HOXD3: variants seen among roughly 807,000 people sequenced by gnomAD.
HOXD3 encodes homeobox protein Hox-D3.
In HOXD3, 13 loss-of-function variants were observed where a neutral mutation model predicts 32.8. That is an observed-to-expected ratio of 0.40 (90% CI 0.26 to 0.63). HOXD3 has a LOEUF of 0.63. Among genes scored for constraint, HOXD3 ranks in the 20% least tolerant of loss-of-function variants. HOXD3 has a pLI of 0.44. For synonymous variants in HOXD3, 241 were observed against 246.8 expected (o/e 0.98, Z 0.22); for missense variants, 504 against 577.1 (o/e 0.87, Z 1.30).
chr2:176,158,902 T>C (rs923483280), intron 1 of HOXD3, among the ~76,000 whole-genome samples: 7 of 127,972 alleles, frequency 5.5e-5, no homozygotes, highest in African/African-American at 2.1e-4. Flanking sequence ...TCCCCAGCCC[T>C]GCTGGCAGCC....
chr2:176,171,909 C>A lies in HOXD3; in HGVS notation c.934C>A (p.Leu312Met). ...CAAATCACAGCCCAATATGTACGGC[C>A]TGGCCGCCTACACGGCGCCACTCAG... ...FAKSQPNMYG[L>M]AAYTAPLSSC... is the part of the protein sequence containing the mutation. The change falls in exon 4 of 4, where the codon CTG (leucine) becomes ATG (methionine). Residue 312 changes from leucine (L) to methionine (M), a missense_variant. By Grantham distance (15) the Leu-to-Met change is conservative (BLOSUM62 2). Around this residue, in one of 3 missense-constraint regions of HOXD3, gnomAD observed 226 missense variants for 246.9 expected, o/e 0.92. Transcript: ENST00000683222. 6.2e-7 allele frequency: 1 copy of A among 1,609,568 alleles called. No homozygotes were observed. The highest frequency in any genetic ancestry group is 8.5e-7 in the Non-Finnish European group (1 of 1,178,504).
At chr2:176,156,647 T>C (rs975993215), upstream of HOXD3, among the ~76,000 whole-genome samples, 1 of 152,110 alleles carries the variant, frequency 6.6e-6, no homozygotes, top group African/African-American at 2.4e-5. Flanking sequence ...TGCCCCTCCT[T>C]CTTCCGCGCC....
At chr2:176,158,990 G>C (rs1266985022) in intron 1 of HOXD3, among the ~76,000 whole-genome samples, 1 of 152,196 alleles carries the variant, frequency 6.6e-6, no homozygotes, top group Non-Finnish European at 1.5e-5. Flanking sequence ...CAATTGCCCG[G>C]GTTGGTGTGA....
chr2:176,162,281 T>C (rs1690833373), intron 1 of HOXD3, among the ~76,000 whole-genome samples: 1 of 152,214 alleles, frequency 6.6e-6, no homozygotes, highest in African/African-American at 2.4e-5. Flanking sequence ...AGCATTTCAT[T>C]TGGCCCCATG....
intron 3 of HOXD3, among the ~76,000 whole-genome samples, chr2:176,170,707 T>A (rs1691142089): frequency 6.6e-6 from 1 of 152,044 alleles, no homozygotes; most frequent in Non-Finnish European, 1.5e-5. Context: ...TTCCTGCCCC[T>A]CCTTCCTCAG....
chr2:176,152,893 AT>A (rs899748224), upstream of HOXD3: 2 of 1,614,136 alleles, frequency 1.2e-6, no homozygotes, highest in Middle Eastern at 3.3e-4. The surrounding 1 kb of genome is among the most constrained non-coding windows in gnomAD (Gnocchi z 5.2). Flanking sequence ...CCCAGCCAGC[AT>A]TTACAGCCGA....
intron 3 of HOXD3, among the ~76,000 whole-genome samples, chr2:176,171,008 T>A (rs1691153517): frequency 6.6e-6 from 1 of 152,136 alleles, no homozygotes; most frequent in South Asian, 2.1e-4. Flanking sequence ...AAGATCTCCA[T>A]CCCCATACTT....
upstream of HOXD3, among the ~76,000 whole-genome samples, chr2:176,157,196 C>T (rs1404619485): frequency 1.3e-5 from 2 of 152,150 alleles, no homozygotes; most frequent in African/African-American, 4.8e-5. Flanking sequence ...GAGGGCCTTT[C>T]ATAACCCGGA....
At chr2:176,168,770 A>G (rs151209768) in intron 2 of HOXD3, among the ~76,000 whole-genome samples, 1 of 151,910 alleles carries the variant, frequency 6.6e-6, no homozygotes, top group African/African-American at 2.4e-5. Flanking sequence ...TATTAATACC[A>G]GGCTAAAGTG....
At chr2:176,171,378 A>C in intron 3 of HOXD3, 139 bp from the exon 4 acceptor site, 1 of 786,642 alleles carries the variant, frequency 1.3e-6, no homozygotes, top group Non-Finnish European at 2.0e-6. Flanking sequence ...CATACCTCTC[A>C]AACGGCCCTT....
chr2:176,162,521 T>C (rs1310345535), intron 1 of HOXD3, among the ~76,000 whole-genome samples: 1 of 152,194 alleles, frequency 6.6e-6, no homozygotes, highest in Non-Finnish European at 1.5e-5. Context: ...CCAGCCCGGT[T>C]AAGGCTGAGA....
At chr2:176,168,805 T>C (rs1457930218) in intron 2 of HOXD3, among the ~76,000 whole-genome samples, 1 of 151,304 alleles carries the variant, frequency 6.6e-6, no homozygotes, top group Non-Finnish European at 1.5e-5. Context: ...GCCCAGTAAA[T>C]TGAGGCTGCA....
chr2:176,162,696 A>C (rs577370317), intron 1 of HOXD3, among the ~76,000 whole-genome samples: 1 of 152,180 alleles, frequency 6.6e-6, no homozygotes, highest in South Asian at 2.1e-4. Flanking sequence ...AAGAGCTCAA[A>C]GCGCACCGCG....
chr2:176,163,625 A>G (rs572699647), intron 1 of HOXD3, among the ~76,000 whole-genome samples: 1 of 152,222 alleles, frequency 6.6e-6, no homozygotes, highest in East Asian at 1.9e-4. Flanking sequence ...AAGCCTATTT[A>G]CCTTCCTTTC....
intron 2 of HOXD3, among the ~76,000 whole-genome samples, chr2:176,167,489 C>T (rs1211657329): frequency 1.3e-5 from 2 of 152,018 alleles, no homozygotes; most frequent in Admixed American, 6.5e-5. Context: ...AGAGAAGAAA[C>T]ATTTTCTAGC....
At chr2:176,168,261 CAA>C (rs34436368) in intron 2 of HOXD3, among the ~76,000 whole-genome samples, 4 of 103,364 alleles carry the variant, frequency 3.9e-5, no homozygotes, top group South Asian at 3.5e-4. Flanking sequence ...CCTGTCTCTA[CAA>C]AAAAAAAAAA....
rs977149277 is a variant in HOXD3 at position 176,172,628 on chromosome 2, C to T, written c.*354C>T. 3.5e-6 allele frequency: 1 copy of T among 283,202 alleles called. No individual in the cohort carries two copies. Among genetic ancestry groups the T allele is most frequent in the East Asian group, 6.2e-5 (1 of 16,158 alleles). 17.5% of individuals were successfully genotyped at this position (283,202 alleles called of 1,614,324 possible). A position where few individuals can be genotyped will look rare whatever the true frequency, so the allele number is the denominator to read the frequency against. On this transcript the variant is annotated 3_prime_UTR_variant, in exon 4 of 4. Coordinates refer to ENST00000683222, the MANE Select transcript of HOXD3 (RefSeq NM_006898.5). Reference sequence around the variant, plus strand: ...GACCAGAGCTTGGAGAGTCTTGGGCCTGGCCCGCGTCTAGCTTAGTTTCAG... The same window carrying T: ...GACCAGAGCTTGGAGAGTCTTGGGCTTGGCCCGCGTCTAGCTTAGTTTCAG...
chr2:176,168,543 G>A (rs1044578920), intron 2 of HOXD3, among the ~76,000 whole-genome samples: 1 of 140,608 alleles, frequency 7.1e-6, no homozygotes, highest in Non-Finnish European at 1.5e-5. Flanking sequence ...CTCCAGCCTT[G>A]GCAACAGGAG....
chr2:176,159,046 G>A (rs902424004), intron 1 of HOXD3, among the ~76,000 whole-genome samples: 1 of 152,242 alleles, frequency 6.6e-6, no homozygotes, highest in African/African-American at 2.4e-5. Context: ...ACTGTTGGGG[G>A]CCGGGCGAGG....
Sources: allele counts gnomAD v4.1 joint callset (sites outside exome capture counted in the v4.1 genomes callset), GRCh38; gene constraint gnomAD v4.1.1; regional missense constraint gnomAD v4.1.1; non-coding constraint Gnocchi (gnomAD v3.1); transcripts MANE v1.5; gene names NCBI Gene and HGNC (gene_info 2026-07-23, HGNC 2026-07-21).